The following PRKD1 variants were observed in gnomAD, a reference collection of about 807,000 sequenced individuals.
PRKD1 encodes the protein serine/threonine-protein kinase D1.
Under a neutral mutation model 95.9 loss-of-function variants are expected in PRKD1, and 63 were observed. The ratio of observed to expected loss-of-function variants is 0.66; its 90% CI spans 0.54 to 0.81. PRKD1 has a LOEUF of 0.81. Ranked by LOEUF, PRKD1 falls within the 30% of genes least tolerant of loss-of-function variation. The probability of loss-of-function intolerance (pLI) is 0.00; values close to 1 mark genes in which losing one functional copy is unlikely to be tolerated. For missense variants in PRKD1, 1,048 were observed against 1,165.3 expected (o/e 0.90, Z 1.47); for synonymous variants, 425 against 423.1 (o/e 1.00, Z -0.05).
chr14:29,799,651 A>G (rs1240847969), intron 1 of PRKD1, among the ~76,000 whole-genome samples: 1 of 152,238 alleles, frequency 6.6e-6, no homozygotes, highest in African/African-American at 2.4e-5. Flanking sequence ...AAATAGTTTC[A>G]TCTTCCAGGA....
intron 16 of PRKD1, among the ~76,000 whole-genome samples, chr14:29,587,599 T>C (rs1594340876): frequency 6.6e-6 from 1 of 152,210 alleles, no homozygotes; most frequent in Non-Finnish European, 1.5e-5. Flanking sequence ...TCTATAAATA[T>C]CATTTGTTAG....
intron 1 of PRKD1, among the ~76,000 whole-genome samples, chr14:29,775,498 T>C (rs1472332788): frequency 6.6e-6 from 1 of 152,174 alleles, no homozygotes; most frequent in Non-Finnish European, 1.5e-5. Context: ...CAGGAGATTA[T>C]ATCCCACGCC....
rs1002444070 is a variant in PRKD1 at position 29,600,695 on chromosome 14, G to A, written c.1906-878C>T. Among the ~76,000 whole-genome samples, 11 of 152,088 alleles carry A rather than the reference G, an allele frequency of 7.2e-5. No homozygotes were observed. In the South Asian group the frequency reaches 8.3e-4, roughly 11 times the overall value. On this transcript the variant is annotated intron_variant, in intron 13 of 17. Transcript: ENST00000331968. ...GGTGGTTCTGGAACAAATCCCATGCGGATACCAAGGGACTGCTGTCTTTCC... is the reference window on the plus strand; with the variant it reads ...GGTGGTTCTGGAACAAATCCCATGCAGATACCAAGGGACTGCTGTCTTTCC...
intron 11 of PRKD1, among the ~76,000 whole-genome samples, chr14:29,628,556 C>A (rs549989798): frequency 6.6e-6 from 1 of 152,094 alleles, no homozygotes; most frequent in South Asian, 2.1e-4. Flanking sequence ...CCGTAAGATT[C>A]GATTTATGCA....
chr14:29,814,221 A>C (rs931252549), intron 1 of PRKD1, among the ~76,000 whole-genome samples: 1 of 152,184 alleles, frequency 6.6e-6, no homozygotes, highest in Non-Finnish European at 1.5e-5. Context: ...ACCTCACCTG[A>C]CTGTATTGTC....
intron 1 of PRKD1, among the ~76,000 whole-genome samples, chr14:29,865,293 T>G (rs1353133894): frequency 2.6e-5 from 4 of 152,324 alleles, no homozygotes; most frequent in Admixed American, 2.6e-4. Context: ...AAACAGCCGT[T>G]AAATAAATAG....
At chr14:29,734,810 T>G (rs371154433) in intron 1 of PRKD1, among the ~76,000 whole-genome samples, 19 of 152,148 alleles carry the variant, frequency 1.2e-4, no homozygotes, top group Admixed American at 3.9e-4. Flanking sequence ...GTCCAACCTT[T>G]CCATTATTGT....
intron 1 of PRKD1, among the ~76,000 whole-genome samples, chr14:29,910,453 G>A (rs1211013379): frequency 2.0e-5 from 3 of 152,266 alleles, no homozygotes; most frequent in African/African-American, 4.8e-5. Context: ...TGAAGTCAGC[G>A]AGGCCAAGAA....
chr14:29,839,952 G>T (rs888603854), intron 1 of PRKD1, among the ~76,000 whole-genome samples: 10 of 152,064 alleles, frequency 6.6e-5, no homozygotes, highest in African/African-American at 2.2e-4. Context: ...TGTGATGGGA[G>T]GGCTGCCATG....
intron 1 of PRKD1, among the ~76,000 whole-genome samples, chr14:29,790,464 G>GA (rs1273088610): frequency 6.6e-6 from 1 of 152,090 alleles, no homozygotes; most frequent in Non-Finnish European, 1.5e-5. Context: ...CCCTCTTATT[G>GA]ATATAAGCAT....
intron 1 of PRKD1, among the ~76,000 whole-genome samples, chr14:29,872,256 G>GA (rs1338066923): frequency 3.9e-5 from 6 of 152,202 alleles, no homozygotes; most frequent in Middle Eastern, 3.4e-3. Context: ...ATACAATTCA[G>GA]AAAAAATTTA....
intron 2 of PRKD1, among the ~76,000 whole-genome samples, chr14:29,718,992 A>C (rs1008349328): frequency 1.3e-5 from 2 of 152,042 alleles, no homozygotes; most frequent in African/African-American, 4.8e-5. Flanking sequence ...TATATCTAAG[A>C]CAAATTAATA....
intron 1 of PRKD1, among the ~76,000 whole-genome samples, chr14:29,906,077 G>C (rs555845117): frequency 7.2e-5 from 11 of 151,972 alleles, no homozygotes; most frequent in African/African-American, 2.7e-4. Flanking sequence ...AATTTTTAAA[G>C]TTAGAAAAAC....
intron 1 of PRKD1, among the ~76,000 whole-genome samples, chr14:29,862,734 T>C (rs1364294850): frequency 6.6e-5 from 10 of 152,182 alleles, no homozygotes; most frequent in Admixed American, 6.5e-4. Flanking sequence ...TCCTATAGAG[T>C]TGTGTAAGCT....
rs1431555369 is a variant in PRKD1 at position 29,666,091 on chromosome 14, C to T, written c.521G>A (p.Gly174Asp). The change falls in exon 3 of 18, where the codon GGT becomes GAT. Residue 174 changes from glycine (G) to aspartate (D), a missense_variant. By Grantham distance (94) the Gly-to-Asp change is moderately conservative. Coordinates refer to ENST00000331968, the MANE Select transcript of PRKD1 (RefSeq NM_002742.3). Reference sequence around the variant, plus strand: ...AAATAACTTACCTTCACATTTAAGACCTTGACGTACCAGCCCCCACAGCAT... The same window carrying T: ...AAATAACTTACCTTCACATTTAAGATCTTGACGTACCAGCCCCCACAGCAT... ...GEMLWGLVRQ[G>D]LKCEGCGLNY... 1 of 1,590,752 alleles carries T rather than the reference C, an allele frequency of 6.3e-7. No individual in the cohort carries two copies. Among genetic ancestry groups the T allele is most frequent in the Non-Finnish European group, 8.6e-7 (1 of 1,164,396 alleles).
intron 13 of PRKD1, among the ~76,000 whole-genome samples, chr14:29,603,271 A>G (rs1365946984): frequency 6.6e-6 from 1 of 152,250 alleles, no homozygotes; most frequent in Non-Finnish European, 1.5e-5. Context: ...TTGATATACA[A>G]CAAGTTTATT....
intron 9 of PRKD1, among the ~76,000 whole-genome samples, chr14:29,631,336 G>T (rs905238068): frequency 6.6e-6 from 1 of 152,080 alleles, no homozygotes. Context: ...GATAATTTTT[G>T]TAACAGTGAG....
intron 1 of PRKD1, among the ~76,000 whole-genome samples, chr14:29,879,246 T>G (rs186001869): frequency 6.6e-6 from 1 of 152,298 alleles, no homozygotes; most frequent in Non-Finnish European, 1.5e-5. Context: ...AATCTCAACT[T>G]GAATTGTATT....
At chr14:29,652,890 CCATTATTTGCTTATTTGAAAAGA>C (rs1881600726) in intron 4 of PRKD1, 1 of 152,048 alleles carries the variant, frequency 6.6e-6, no homozygotes, top group South Asian at 2.1e-4. Flanking sequence ...AGCTTTTTGT[CCATTATTTGCTTATTTGAAAAGA>C]AACTACTTTG....
Sources: allele counts gnomAD v4.1 joint callset (sites outside exome capture counted in the v4.1 genomes callset), GRCh38; gene constraint gnomAD v4.1.1; transcripts MANE v1.5; gene names NCBI Gene and HGNC (gene_info 2026-07-23, HGNC 2026-07-21).